The following TANC1 variants were observed in gnomAD, a reference collection of about 807,000 sequenced individuals.
TANC1 encodes the protein protein TANC1.
Under a neutral mutation model 149.7 loss-of-function variants are expected in TANC1, and 77 were observed. That is an observed-to-expected ratio of 0.51 (90% CI 0.43 to 0.62). The LOEUF (loss-of-function observed/expected upper bound fraction) is 0.62. Ranked by LOEUF, TANC1 falls within the 20% of genes least tolerant of loss-of-function variation. The pLI, the probability that TANC1 is intolerant of heterozygous loss-of-function variation, is 0.00. For missense variants in TANC1, 1,985 were observed against 2,321.8 expected (o/e 0.85, Z 2.98); for synonymous variants, 854 against 925.0 (o/e 0.92, Z 1.39).
Position 158,981,493 on chromosome 2 carries a change from ATATATATATATATATATATATAT to A in TANC1, c.-126+12712_-126+12734del, listed in dbSNP as rs2034324463. On this transcript the variant is annotated intron_variant, in intron 1 of 26. Transcript: ENST00000263635. ...GTTTAGCAATTAATATATAGCTTTT[ATATATATATATATATATATATAT>A]ATATATATATATATATATATATATA... Among the ~76,000 whole-genome samples, 142 of 48,560 alleles carry A rather than the reference ATATATATATATATATATATATAT, an allele frequency of 2.9e-3. 3 individuals are homozygous for A. Among genetic ancestry groups the A allele is most frequent in the African/African-American group, 9.4e-3 (128 of 13,552 alleles). The allele number at this position is 48,560 out of a possible 152,430, so 31.9% of individuals were successfully genotyped here. A position where few individuals can be genotyped will look rare whatever the true frequency, so the allele number is the denominator to read the frequency against.
intron 19 of TANC1, among the ~76,000 whole-genome samples, chr2:159,209,538 G>A (rs1445087431): frequency 1.3e-5 from 2 of 152,164 alleles, no homozygotes; most frequent in Non-Finnish European, 2.9e-5. Context: ...GAATGTGGGG[G>A]CCAGCTTCCC....
chr2:159,108,651 A>T (rs562781835), intron 4 of TANC1, among the ~76,000 whole-genome samples: 1 of 152,238 alleles, frequency 6.6e-6, no homozygotes, highest in Non-Finnish European at 1.5e-5. Flanking sequence ...CTGATATTCC[A>T]GCTCGACTCA....
intron 16 of TANC1, among the ~76,000 whole-genome samples, chr2:159,188,641 A>G (rs1480060636): frequency 6.6e-6 from 1 of 152,254 alleles, no homozygotes; most frequent in Non-Finnish European, 1.5e-5. Context: ...ATCCAGTCAT[A>G]TCCTACATCA....
chr2:159,117,701 C>CT (rs59509568), intron 4 of TANC1, among the ~76,000 whole-genome samples: 4,038 of 112,876 alleles, frequency 0.036, 201 homozygotes, highest in East Asian at 0.12. Context: ...CGGCCTATTC[C>CT]TTTTTTTTTT....
chr2:158,999,644 G>A (rs1261233922), intron 1 of TANC1, among the ~76,000 whole-genome samples: 2 of 152,156 alleles, frequency 1.3e-5, no homozygotes, highest in Non-Finnish European at 2.9e-5. Flanking sequence ...TTCATCAAAG[G>A]GATATTTGTT....
intron 7 of TANC1, among the ~76,000 whole-genome samples, chr2:159,151,266 T>A (rs1405726586): frequency 6.6e-6 from 1 of 152,104 alleles, no homozygotes; most frequent in Non-Finnish European, 1.5e-5. Context: ...AATTTAAGAG[T>A]CTTTATTTTT....
At chr2:159,202,805 A>T (rs1409128481) in intron 19 of TANC1, among the ~76,000 whole-genome samples, 3 of 152,114 alleles carry the variant, frequency 2.0e-5, no homozygotes, top group Admixed American at 6.5e-5. Flanking sequence ...TGCTTATGGC[A>T]TCTGTTTCAG....
chr2:158,987,149 G>A (rs1334439036), intron 1 of TANC1, among the ~76,000 whole-genome samples: 1 of 150,848 alleles, frequency 6.6e-6, no homozygotes, highest in Non-Finnish European at 1.5e-5. Flanking sequence ...AAGAGTCGGA[G>A]GCTGCAGTGA....
At chr2:158,997,574 A>G (rs1379311909) in intron 1 of TANC1, among the ~76,000 whole-genome samples, 1 of 152,200 alleles carries the variant, frequency 6.6e-6, no homozygotes, top group African/African-American at 2.4e-5. Context: ...GGTCTGGGGC[A>G]TCTTGCATTG....
chr2:159,210,215 T>G (rs1262314451), intron 19 of TANC1, among the ~76,000 whole-genome samples: 1 of 152,178 alleles, frequency 6.6e-6, no homozygotes, highest in African/African-American at 2.4e-5. Flanking sequence ...GCAGCTTCTG[T>G]GTGCGCTGAC....
intron 4 of TANC1, among the ~76,000 whole-genome samples, chr2:159,105,195 C>T (rs2047055398): frequency 6.6e-6 from 1 of 150,528 alleles, no homozygotes; most frequent in Admixed American, 6.6e-5. Context: ...GGGGTTTCAC[C>T]GTGTTAGCCA....
At chr2:159,105,496 T>C (rs1250223038) in intron 4 of TANC1, among the ~76,000 whole-genome samples, 5 of 152,162 alleles carry the variant, frequency 3.3e-5, no homozygotes, top group Admixed American at 6.5e-5. Context: ...TCCAGTGATA[T>C]TTACAAACAT....
intron 2 of TANC1, among the ~76,000 whole-genome samples, chr2:159,010,616 C>G (rs2037658818): frequency 1.3e-5 from 2 of 151,980 alleles, no homozygotes; most frequent in South Asian, 4.2e-4. Flanking sequence ...TTAATACTGA[C>G]ACGTGGCTCT....
intron 2 of TANC1, among the ~76,000 whole-genome samples, chr2:159,010,234 C>T (rs766380806): frequency 6.6e-6 from 1 of 152,060 alleles, no homozygotes; most frequent in East Asian, 1.9e-4. Flanking sequence ...TAGTAAGATT[C>T]TTATCCTTAA....
At chr2:159,112,825 C>T (rs1386282858) in intron 4 of TANC1, among the ~76,000 whole-genome samples, 2 of 152,144 alleles carry the variant, frequency 1.3e-5, no homozygotes, top group African/African-American at 4.8e-5. Context: ...AAGCTATCCC[C>T]CAGCCTTGGC....
At chr2:159,192,982 A>G (rs1449729443) in intron 16 of TANC1, among the ~76,000 whole-genome samples, 2 of 152,254 alleles carry the variant, frequency 1.3e-5, no homozygotes, top group African/African-American at 4.8e-5. Context: ...ATTATGGTTA[A>G]GAAACACATA....
chr2:159,219,710 T>G lies in TANC1; in HGVS notation c.3521T>G (p.Leu1174Arg). ...LLSKGAALSS[L>R]DKEGLSALSW... The stretch of plus-strand genomic sequence containing the variant: ...CTTTCAGGTGCAGCCCTTTCTTCTC[T>G]AGACAAAGAGGGTCTGTCAGCATTA... The change falls in exon 22 of 27, where the codon CTA (leucine) becomes CGA (arginine). Residue 1174 changes from leucine (L) to arginine (R), a missense_variant. Around this residue, in one of 3 missense-constraint regions of TANC1, gnomAD observed 920 missense variants for 994.7 expected, o/e 0.92. Coordinates refer to ENST00000263635, the MANE Select transcript of TANC1 (RefSeq NM_033394.3). The G allele has an allele frequency of 6.2e-7, 1 of 1,614,216 alleles. No homozygotes were observed. The highest frequency in any genetic ancestry group is 8.5e-7 in the Non-Finnish European group (1 of 1,180,030).
rs1169081287 is a variant in TANC1, at chr2:159,230,164, C to T, written c.4738C>T (p.Gln1580Ter). The change falls in exon 27 of 27, where the codon CAG (glutamine) becomes TAG (stop). Residue 1580 changes from glutamine (Q) to a stop codon, truncating the protein, a stop_gained. Coordinates refer to ENST00000263635, the MANE Select transcript of TANC1 (RefSeq NM_033394.3). LOFTEE classifies it low-confidence loss of function (END_TRUNC). The surrounding 1 kb of genome is among the most constrained non-coding windows in gnomAD (Gnocchi z 4.4). ...IAATPAGSRT[Q>*]HLEGTGTFTT... ...TGCCACTCCTGCTGGGAGCAGAACC[C>T]AGCATTTAGAGGGAACAGGTACTTT... The T allele has an allele frequency of 6.2e-7, 1 of 1,613,968 alleles. No homozygotes were observed. Among genetic ancestry groups the T allele is most frequent in the Non-Finnish European group, 8.5e-7 (1 of 1,180,018 alleles).
At chr2:159,223,008 C>T (rs1195280810) in intron 22 of TANC1, among the ~76,000 whole-genome samples, 1 of 152,188 alleles carries the variant, frequency 6.6e-6, no homozygotes, top group Non-Finnish European at 1.5e-5. Flanking sequence ...TTGGTTCAAG[C>T]GATTCTCCTG....
Sources: gnomAD v4.1 joint callset for allele counts (sites outside exome capture counted in the v4.1 genomes callset) on GRCh38, gnomAD v4.1.1 for gene constraint, gnomAD v4.1.1 regional missense constraint, Gnocchi (gnomAD v3.1) non-coding constraint, MANE v1.5 for transcripts, NCBI Gene and HGNC (gene_info 2026-07-23, HGNC 2026-07-21) for gene names.